Variants in TAFA2 observed in about 807,000 individuals in gnomAD.
The protein encoded by TAFA2 is chemokine-like protein TAFA-2.
In TAFA2, 7 loss-of-function variants were observed where a neutral mutation model predicts 18.8. The observed-to-expected ratio is 0.37, with a 90% CI of 0.21 to 0.70. The LOEUF (loss-of-function observed/expected upper bound fraction) is 0.70, where lower values mean the gene tolerates loss of function less well. TAFA2 is among the 30% of genes least tolerant of loss of function. The probability of loss-of-function intolerance (pLI) is 0.53; values close to 1 mark genes in which losing one functional copy is unlikely to be tolerated. For synonymous variants in TAFA2, 60 were observed against 54.2 expected, an observed-to-expected ratio of 1.11 and a Z score of -0.47; for missense variants, 122 against 158.1, an observed-to-expected ratio of 0.77 and a Z score of 1.23.
At chr12:61,849,672 GT>G (rs1873560867) in intron 2 of TAFA2, among the ~76,000 whole-genome samples, 1 of 152,126 alleles carries the variant, frequency 6.6e-6, no homozygotes, top group Non-Finnish European at 1.5e-5. Flanking sequence ...CAAACAGTAC[GT>G]TTTAGTGACT....
intron 1 of TAFA2, among the ~76,000 whole-genome samples, chr12:62,102,098 A>G (rs1869232741): frequency 1.3e-5 from 2 of 152,186 alleles, no homozygotes; most frequent in African/African-American, 4.8e-5. Flanking sequence ...TTCTTGCTAT[A>G]TAATTAACTG....
chr12:62,249,696 C>T (rs1295631252), intron 1 of TAFA2, among the ~76,000 whole-genome samples: 1 of 152,202 alleles, frequency 6.6e-6, no homozygotes, highest in African/African-American at 2.4e-5. Context: ...CCAGCAAAAA[C>T]CCATTGCATT....
intron 1 of TAFA2, among the ~76,000 whole-genome samples, chr12:62,114,606 A>G (rs1869880170): frequency 6.6e-6 from 1 of 152,210 alleles, no homozygotes; most frequent in Admixed American, 6.5e-5. Flanking sequence ...AAGACCTCCA[A>G]TTACCATTGC....
At chr12:62,231,135 T>G (rs1172389197) in intron 1 of TAFA2, among the ~76,000 whole-genome samples, 1 of 152,236 alleles carries the variant, frequency 6.6e-6, no homozygotes, top group Non-Finnish European at 1.5e-5. Context: ...AAGAGCTGGG[T>G]GTTGAAGTCC....
At chr12:62,173,825 C>T (rs2062494653) in intron 1 of TAFA2, among the ~76,000 whole-genome samples, 2 of 152,110 alleles carry the variant, frequency 1.3e-5, no homozygotes, top group African/African-American at 2.4e-5. Flanking sequence ...TCAGAGAGAA[C>T]AGGAAATGAG....
At chr12:62,010,137 C>T (rs1220909885) in intron 1 of TAFA2, among the ~76,000 whole-genome samples, 1 of 151,272 alleles carries the variant, frequency 6.6e-6, no homozygotes, top group South Asian at 2.1e-4. Context: ...AAACTGTAGT[C>T]CCTCTCCCTC....
intron 1 of TAFA2, among the ~76,000 whole-genome samples, chr12:61,913,164 GAGTTA>G (rs1287941943): frequency 5.3e-5 from 8 of 152,072 alleles, no homozygotes; most frequent in African/African-American, 1.2e-4. Context: ...ACTAAAATGA[GAGTTA>G]AGTTAAGAAA....
At chr12:61,946,466 T>C (rs1332037760) in intron 1 of TAFA2, among the ~76,000 whole-genome samples, 1 of 84,558 alleles carries the variant, frequency 1.2e-5, no homozygotes, top group Non-Finnish European at 2.3e-5. Context: ...TGGGATCTAA[T>C]TAAACTAAAG....
chr12:61,965,352 C>T (rs1202928625), intron 1 of TAFA2, among the ~76,000 whole-genome samples: 4 of 151,902 alleles, frequency 2.6e-5, no homozygotes, highest in African/African-American at 9.7e-5. Context: ...TTGGACTGCT[C>T]AGCCTCCAGA....
chr12:62,217,725 T>G (rs2062741601), intron 1 of TAFA2, among the ~76,000 whole-genome samples: 1 of 152,188 alleles, frequency 6.6e-6, no homozygotes, highest in Admixed American at 6.5e-5. Flanking sequence ...AGCTCAGCTC[T>G]CCCATGAATA....
intron 1 of TAFA2, chr12:62,021,501 T>A: frequency 6.1e-6 from 3 of 491,088 alleles, no homozygotes; most frequent in Non-Finnish European, 1.2e-5. Context: ...CTTTGTACAA[T>A]ATTTTATTAA....
chr12:62,073,951 G>A (rs1006700339), intron 1 of TAFA2, among the ~76,000 whole-genome samples: 1 of 152,188 alleles, frequency 6.6e-6, no homozygotes, highest in Non-Finnish European at 1.5e-5. Flanking sequence ...TTTGTATCTT[G>A]ACTGTGCCAT....
At chr12:61,785,981 A>G (rs1870721054) in intron 2 of TAFA2, among the ~76,000 whole-genome samples, 1 of 151,568 alleles carries the variant, frequency 6.6e-6, no homozygotes, top group Non-Finnish European at 1.5e-5. Context: ...GAGTCTTGGG[A>G]GACAAAATCA....
At chr12:62,091,736 T>C (rs1868724493) in intron 1 of TAFA2, among the ~76,000 whole-genome samples, 1 of 151,958 alleles carries the variant, frequency 6.6e-6, no homozygotes, top group South Asian at 2.1e-4. Flanking sequence ...CCCACGATAG[T>C]CATTCAGTGA....
intron 1 of TAFA2, among the ~76,000 whole-genome samples, chr12:62,039,277 C>A (rs892300559): frequency 4.6e-5 from 7 of 152,130 alleles, no homozygotes; most frequent in Non-Finnish European, 8.8e-5. Context: ...TTATTCTGAA[C>A]CTGTCCAAAA....
intron 1 of TAFA2, among the ~76,000 whole-genome samples, chr12:62,042,595 G>T (rs781333051): frequency 6.6e-6 from 1 of 152,042 alleles, no homozygotes; most frequent in African/African-American, 2.4e-5. Context: ...TGTTTTACCA[G>T]CCTACATATC....
intron 4 of TAFA2, among the ~76,000 whole-genome samples, chr12:61,737,635 A>G (rs1386396047): frequency 1.3e-5 from 2 of 151,928 alleles, no homozygotes; most frequent in East Asian, 3.9e-4. Flanking sequence ...GACAATCCAT[A>G]TCTTATTACA....
At chr12:61,895,853 A>G (rs998300069) in intron 1 of TAFA2, among the ~76,000 whole-genome samples, 1 of 152,164 alleles carries the variant, frequency 6.6e-6, no homozygotes, top group Non-Finnish European at 1.5e-5. Context: ...AAGAAGTAAA[A>G]TATAACCAGT....
intron 1 of TAFA2, chr12:62,234,268 C>T: frequency 2.7e-6 from 1 of 376,006 alleles, no homozygotes. Flanking sequence ...CCTTGGTGCT[C>T]TCAGTATTGT....
Sources: allele counts gnomAD v4.1 joint callset (sites outside exome capture counted in the v4.1 genomes callset), GRCh38; gene constraint gnomAD v4.1.1; transcripts MANE v1.5; gene names NCBI Gene and HGNC (gene_info 2026-07-23, HGNC 2026-07-21).